Variants in PAN2 observed in about 807,000 individuals in gnomAD.
PAN2 encodes the protein PAN2-PAN3 deadenylation complex catalytic subunit PAN2.
A neutral mutation model predicts 133.3 loss-of-function variants in PAN2; 68 were observed. That is an observed-to-expected ratio of 0.51 (90% CI 0.42 to 0.62). The LOEUF (loss-of-function observed/expected upper bound fraction) is 0.62. Among genes scored for constraint, PAN2 ranks in the 20% least tolerant of loss-of-function variants. The probability of loss-of-function intolerance (pLI) is 0.00; values close to 1 mark genes in which losing one functional copy is unlikely to be tolerated. For missense variants in PAN2, 1,042 were observed against 1,500.5 expected, an observed-to-expected ratio of 0.69 and a Z score of 5.05; for synonymous variants, 462 against 544.6, an observed-to-expected ratio of 0.85 and a Z score of 2.11.
intron 2 of PAN2, among the ~76,000 whole-genome samples, chr12:56,330,000 A>G (rs1238795469): frequency 2.0e-5 from 3 of 151,280 alleles, no homozygotes; most frequent in Non-Finnish European, 2.9e-5. Flanking sequence ...CCAAGGTCCA[A>G]GCTCTTTTAA....
At position 56,320,013 on chromosome 12, in the gene PAN2, G is replaced by A. The variant is rs147887898; in HGVS notation, c.2797C>T (p.Pro933Ser). Reference sequence around the variant, plus strand: ...GCCAGCAAGACACTTGCCTCAATAGGGTTCTTGACTAGAAGGGAGAATGCA... The same window carrying A: ...GCCAGCAAGACACTTGCCTCAATAGAGTTCTTGACTAGAAGGGAGAATGCA... ...NSRYNLNIKN[P>S]IEASVLLAEA... The change falls in exon 21 of 26, where the codon CCT (proline) becomes TCT (serine). Residue 933 changes from proline to serine, a missense_variant. Physicochemically the swap from Pro to Ser is moderately conservative, Grantham distance 74. Transcript: ENST00000440411. 85 of 1,614,034 alleles carry A rather than the reference G, an allele frequency of 5.3e-5. No individual in the cohort carries two copies. The Middle Eastern group carries it at 1.2e-3, about 22-fold the overall frequency.
intron 25 of PAN2, 106 bp from the exon 26 acceptor site, chr12:56,317,749 T>TC: frequency 1.1e-6 from 1 of 886,236 alleles, no homozygotes. Context: ...GCATGGACCT[T>TC]CCCTGAACAT....
Position 56,327,018 on chromosome 12 carries a change from T to C in PAN2, c.920-59A>G, listed in dbSNP as rs953283564. The C allele has an allele frequency of 2.3e-5, 32 of 1,383,292 alleles. No homozygotes were observed. The Middle Eastern group carries it at 7.6e-4, about 33-fold the overall frequency. 85.7% of individuals were successfully genotyped at this position (1,383,292 alleles called of 1,614,324 possible). A position where few individuals can be genotyped will look rare whatever the true frequency, so the allele number is the denominator to read the frequency against. Reference sequence around the variant, plus strand: ...AAAGTGAAAGGGAGCCATATTCTTATGCCCTTCCTATCCTCTTCCCCTGAT... The same window carrying C: ...AAAGTGAAAGGGAGCCATATTCTTACGCCCTTCCTATCCTCTTCCCCTGAT... On this transcript the variant is annotated intron_variant, in intron 6 of 25. Transcript: ENST00000440411.
Position 56,325,393 on chromosome 12 carries a change from G to A in PAN2, c.1421C>T (p.Ser474Leu), listed in dbSNP as rs143826988. ...TGGTTCCTCTTCTCGTCCTACTGGT[G>A]ACTCAGTGACCTGGCTGAAGCTGTC... ...EFDSFSQVTE[S>L]PVGREEEPHL... is the part of the protein sequence containing the mutation. The change falls in exon 9 of 26, where the codon TCA becomes TTA. Residue 474 changes from serine to leucine, a missense_variant. By Grantham distance (145) the Ser-to-Leu change is moderately radical. Transcript: ENST00000440411. 1 of 1,614,068 alleles carries A rather than the reference G, an allele frequency of 6.2e-7. No individual in the cohort carries two copies. The highest frequency in any genetic ancestry group is 1.3e-5 in the African/African-American group (1 of 75,048).
At chr12:56,323,011 G>C in intron 17 of PAN2, 51 bp downstream of exon 17, 3 of 1,605,738 alleles carry the variant, frequency 1.9e-6, no homozygotes, top group Non-Finnish European at 2.6e-6. Flanking sequence ...TTTACCTTCT[G>C]CCCCACCTTC....
rs1349752183 is a variant in PAN2, at chr12:56,327,601, C to A, written c.682G>T (p.Val228Leu). 1.2e-6 allele frequency: 2 copies of A among 1,614,018 alleles called. No individual in the cohort carries two copies. The highest frequency in any genetic ancestry group is 3.3e-5 in the Admixed American group (2 of 60,018). Residue 228 changes from valine (V) to leucine (L), a missense_variant, in exon 6 of 26, where the codon GTG becomes TTG. Around this residue, in one of 3 missense-constraint regions of PAN2, gnomAD observed 908 missense variants for 1,223.5 expected, o/e 0.74. Transcript: ENST00000440411. ...VSLRDLRTFKVEHEFDAFSGS... is the reference protein window; with the variant it reads ...VSLRDLRTFKLEHEFDAFSGS... ...GAGAAGGCATCAAACTCATGTTCCA[C>A]CTTAAAAGTACGGAGGTCTCTCAGG...
At chr12:56,330,419 G>A (rs1249138483) in intron 2 of PAN2, among the ~76,000 whole-genome samples, 23 of 138,068 alleles carry the variant, frequency 1.7e-4, no homozygotes, top group Non-Finnish European at 3.1e-4. Flanking sequence ...GAGTGCAGTG[G>A]CGGGATCTCG....
chr12:56,319,799 A>AT lies in PAN2; in HGVS notation c.2947-36dup. On this transcript the variant is annotated intron_variant, in intron 21 of 25. Coordinates refer to ENST00000440411, the MANE Select transcript of PAN2 (RefSeq NM_014871.6). The surrounding 1 kb of genome is among the most constrained non-coding windows in gnomAD (Gnocchi z 5.4). ...AAGAGTTAATAAGGAAATCAGAGAA[A>AT]TGCTTACAACTCCTAATATCCTCAG... 6.2e-7 allele frequency: 1 copy of AT among 1,612,658 alleles called. No individual in the cohort carries two copies. The highest frequency in any genetic ancestry group is 8.5e-7 in the Non-Finnish European group (1 of 1,179,110).
In PAN2 at chr12:56,325,354, AC is replaced by A; in HGVS notation, c.1459del (p.Val487PhefsTer8). The A allele has an allele frequency of 6.2e-7, 1 of 1,614,066 alleles. No homozygotes were observed. The highest frequency in any genetic ancestry group is 8.5e-7 in the Non-Finnish European group (1 of 1,180,006). On this transcript the variant is annotated frameshift_variant, in exon 9 of 26. Coordinates refer to ENST00000440411, the MANE Select transcript of PAN2 (RefSeq NM_014871.6). LOFTEE classifies it high-confidence loss of function. ...GREEEPHLHM[V>X]SKKYRKVTIK... ...CAGCACCTTGCGGTATTTCTTAGAA[AC>A]CATGTGGAGATGTGGTTCCTCTTCT...
chr12:56,326,661 T>C lies in PAN2; in HGVS notation c.1218A>G (p.Thr406=), dbSNP rs777966273. Residue 406 remains threonine (T), a synonymous_variant, in exon 7 of 26, where the codon ACA becomes ACG. Coordinates refer to ENST00000440411, the MANE Select transcript of PAN2 (RefSeq NM_014871.6). ...TGGCAGCAGGCCAATCAGAGAGAAG[T>C]GTGTCAGTGGTGAGTGGGACAGGGA... ...SLIPVPLTTD[T]LLSDWPAANS... is the part of the protein sequence containing the mutation. 20 of 1,613,662 alleles carry C rather than the reference T, an allele frequency of 1.2e-5. No homozygotes were observed. In the East Asian group the frequency reaches 4.0e-4, roughly 32 times the overall value.
intron 6 of PAN2, 101 bp from the exon 7 acceptor site, chr12:56,327,060 C>T: frequency 2.0e-6 from 2 of 1,013,860 alleles, no homozygotes; most frequent in South Asian, 3.2e-5. Flanking sequence ...ACAAGATGGG[C>T]CCCAAATCCA....
At chr12:56,331,720 T>G (rs200001673) in intron 2 of PAN2, among the ~76,000 whole-genome samples, 6,609 of 151,524 alleles carry the variant, frequency 0.044, 187 homozygotes, top group Non-Finnish European at 0.067. Flanking sequence ...TTTTTGTTTT[T>G]TGTTTTTTTT....
chr12:56,322,388 A>T (rs757367235), intron 19 of PAN2, 35 bp downstream of exon 19: 1 of 1,544,616 alleles, frequency 6.5e-7, no homozygotes, highest in African/African-American at 1.4e-5. Flanking sequence ...GGAAAAGGGG[A>T]AATGAAAGAA....
chr12:56,324,234 T>C (rs1321340749), intron 12 of PAN2, 49 bp from the exon 13 acceptor site: 1 of 1,610,654 alleles, frequency 6.2e-7, no homozygotes, highest in Non-Finnish European at 8.5e-7. Flanking sequence ...TTAGGAGACC[T>C]TTTAAATCAC....
At chr12:56,317,803 G>A (rs766914706) in intron 25 of PAN2, among the ~76,000 whole-genome samples, 160 bp from the exon 26 acceptor site, 1 of 152,192 alleles carries the variant, frequency 6.6e-6, no homozygotes, top group Non-Finnish European at 1.5e-5. Context: ...GGAGAGTTTC[G>A]ATAAAATGTA....
intron 19 of PAN2, 79 bp downstream of exon 19, chr12:56,322,344 G>T: frequency 8.0e-7 from 1 of 1,243,676 alleles, no homozygotes; most frequent in Non-Finnish European, 1.2e-6. Context: ...GAATCTGCCT[G>T]GCATTCTATA....
Position 56,318,218 on chromosome 12 carries a change from G to A in PAN2, c.3562+19C>T. 6.2e-7 allele frequency: 1 copy of A among 1,600,386 alleles called. No individual in the cohort carries two copies. Among genetic ancestry groups the A allele is most frequent in the Non-Finnish European group, 8.6e-7 (1 of 1,167,616 alleles). ...AAATCCACCCAGTCCAGTTTCCCTTGTCCCATCCCAGGTCTTACTCTTGGG... is the reference window on the plus strand; with the variant it reads ...AAATCCACCCAGTCCAGTTTCCCTTATCCCATCCCAGGTCTTACTCTTGGG... On this transcript the variant is annotated intron_variant, in intron 25 of 25. Coordinates refer to ENST00000440411, the MANE Select transcript of PAN2 (RefSeq NM_014871.6).
rs1874030784 is a variant in PAN2, at chr12:56,317,283, A to C, written c.*326T>G. Reference sequence around the variant, plus strand: ...AATCCCTAGCCAGCTAGGAACTTACAGTTATGGTTCCAGGAGCTTCTCTGC... The same window carrying C: ...AATCCCTAGCCAGCTAGGAACTTACCGTTATGGTTCCAGGAGCTTCTCTGC... On this transcript the variant is annotated 3_prime_UTR_variant, in exon 26 of 26. Transcript: ENST00000440411. The C allele has an allele frequency of 3.1e-5, 10 of 323,698 alleles. No individual in the cohort carries two copies. In the South Asian group the frequency reaches 4.0e-4, roughly 13 times the overall value. 20.1% of individuals were successfully genotyped at this position (323,698 alleles called of 1,614,324 possible).
In PAN2 at chr12:56,323,130, T is replaced by C. The variant is rs1874745506; in HGVS notation, c.2425A>G (p.Ile809Val). The change falls in exon 17 of 26, where the codon ATT becomes GTT. Residue 809 changes from isoleucine (I) to valine (V), a missense_variant. By Grantham distance (29) the Ile-to-Val change is conservative. Coordinates refer to ENST00000440411, the MANE Select transcript of PAN2 (RefSeq NM_014871.6). ...TTGTTTTTGGTCATCTTCATGCGAATGGAGAAAGGAAGCCAGACGTTCTTC... is the reference window on the plus strand; with the variant it reads ...TTGTTTTTGGTCATCTTCATGCGAACGGAGAAAGGAAGCCAGACGTTCTTC... ...ELKNVWLPFS[I>V]RMKMTKNKGL... The C allele has an allele frequency of 1.2e-6, 2 of 1,614,068 alleles. No homozygotes were observed. The highest frequency in any genetic ancestry group is 1.7e-6 in the Non-Finnish European group (2 of 1,180,048).
Sources: allele counts gnomAD v4.1 joint callset (sites outside exome capture counted in the v4.1 genomes callset), GRCh38; gene constraint gnomAD v4.1.1; regional missense constraint gnomAD v4.1.1; non-coding constraint Gnocchi (gnomAD v3.1); transcripts MANE v1.5; gene names NCBI Gene and HGNC (gene_info 2026-07-23, HGNC 2026-07-21).